Variants in TMCO6 observed in about 807,000 individuals in gnomAD.
The protein encoded by TMCO6 is transmembrane and coiled-coil domains 6.
Under a neutral mutation model 61.8 loss-of-function variants are expected in TMCO6, and 47 were observed. The ratio of observed to expected loss-of-function variants is 0.76; its 90% CI spans 0.60 to 0.97. The LOEUF is 0.97. TMCO6 is among the 50% of genes least tolerant of loss of function. The pLI, the probability that TMCO6 is intolerant of heterozygous loss-of-function variation, is 0.00. For synonymous variants in TMCO6, 261 were observed against 254.2 expected, an observed-to-expected ratio of 1.03 and a Z score of -0.25; for missense variants, 557 against 601.6, an observed-to-expected ratio of 0.93 and a Z score of 0.78.
chr5:140,629,914 C>G, the TMCO6 span, among the ~76,000 whole-genome samples: 1 of 122,322 alleles, frequency 8.2e-6, no homozygotes, highest in Non-Finnish European at 1.7e-5. Flanking sequence ...GCCTGGGCAA[C>G]AAGAGTGAAA....
the TMCO6 span, among the ~76,000 whole-genome samples, chr5:140,597,166 G>A: frequency 6.6e-6 from 1 of 152,190 alleles, no homozygotes; most frequent in African/African-American, 2.4e-5. Context: ...TTATATAACA[G>A]ATACAGCAAT....
the TMCO6 span, among the ~76,000 whole-genome samples, chr5:140,602,842 G>A: frequency 6.6e-6 from 1 of 152,012 alleles, no homozygotes; most frequent in Non-Finnish European, 1.5e-5. Context: ...ATGCGTGGTG[G>A]CTCACGCCTG....
At chr5:140,642,267 C>G in intron 4 of TMCO6, 48 bp from the exon 5 acceptor site, 13 of 1,534,108 alleles carry the variant, frequency 8.5e-6, no homozygotes, top group Non-Finnish European at 1.1e-5. Flanking sequence ...CCACACGCAG[C>G]CTGGCATGAA....
chr5:140,616,003 G>T, the TMCO6 span, among the ~76,000 whole-genome samples: 5 of 152,036 alleles, frequency 3.3e-5, no homozygotes, highest in African/African-American at 1.2e-4. Context: ...GTTATGGCAG[G>T]CACCTATAAT....
the TMCO6 span, chr5:140,631,887 A>G: frequency 6.3e-7 from 1 of 1,586,082 alleles, no homozygotes; most frequent in Non-Finnish European, 8.6e-7. Context: ...TTGGAGCAGC[A>G]CCAGGGTTCC....
At chr5:140,622,372 C>CA in the TMCO6 span, among the ~76,000 whole-genome samples, 1 of 152,030 alleles carries the variant, frequency 6.6e-6, no homozygotes, top group Non-Finnish European at 1.5e-5. Flanking sequence ...CAGACATTAA[C>CA]AAAAAAATCT....
chr5:140,605,636 C>T, the TMCO6 span, among the ~76,000 whole-genome samples: 4 of 151,630 alleles, frequency 2.6e-5, no homozygotes, highest in South Asian at 2.1e-4. Flanking sequence ...GCTGAGATCT[C>T]GTCGTTGCAC....
downstream of TMCO6, chr5:140,645,509 AC>A: frequency 1.9e-6 from 3 of 1,558,176 alleles, no homozygotes; most frequent in Non-Finnish European, 2.6e-6. Flanking sequence ...GAATAGGAGA[AC>A]ACATTTTTTT....
chr5:140,646,388 C>T (rs1223801547), downstream of TMCO6, among the ~76,000 whole-genome samples: 1 of 152,166 alleles, frequency 6.6e-6, no homozygotes, highest in Non-Finnish European at 1.5e-5. Context: ...TCGTGTCTAT[C>T]TCCTCCTGTA....
At chr5:140,647,056 G>A (rs1418417519), downstream of TMCO6, 3 of 610,696 alleles carry the variant, frequency 4.9e-6, no homozygotes, top group Non-Finnish European at 8.1e-6. Context: ...CGGTCAGCCT[G>A]CATACTTATG....
chr5:140,620,425 G>A, the TMCO6 span, among the ~76,000 whole-genome samples: 1 of 152,188 alleles, frequency 6.6e-6, no homozygotes, highest in East Asian at 1.9e-4. Context: ...AGTGAAAATA[G>A]TCTGTATGAT....
At chr5:140,639,415 C>T (rs886388045), upstream of TMCO6, 1 of 1,124,590 alleles carries the variant, frequency 8.9e-7, no homozygotes, top group Non-Finnish European at 1.3e-6. Context: ...GCTCCTCGCG[C>T]CCTCCCCGCC....
chr5:140,597,833 C>T, the TMCO6 span, among the ~76,000 whole-genome samples: 1 of 152,184 alleles, frequency 6.6e-6, no homozygotes, highest in Non-Finnish European at 1.5e-5. Flanking sequence ...GTTGAGGGCA[C>T]AACTTAACCT....
the TMCO6 span, among the ~76,000 whole-genome samples, chr5:140,614,065 A>T: frequency 6.6e-6 from 1 of 151,800 alleles, no homozygotes; most frequent in Admixed American, 6.6e-5. Context: ...TGCCCAGCTA[A>T]TTTTTTTGTA....
chr5:140,643,529 A>C, intron 7 of TMCO6, 35 bp from the exon 8 acceptor site: 1 of 1,583,974 alleles, frequency 6.3e-7, no homozygotes, highest in South Asian at 1.1e-5. Context: ...GGAATTGACT[A>C]TATACCTAGG....
At chr5:140,630,156 G>A in the TMCO6 span, among the ~76,000 whole-genome samples, 1 of 151,606 alleles carries the variant, frequency 6.6e-6, no homozygotes. Context: ...ACCACACCCG[G>A]CTAATTTTTG....
Position 140,639,851 on chromosome 5 carries a change from G to A in TMCO6, c.198G>A (p.Glu66=), listed in dbSNP as rs1756905958. 1 of 1,601,396 alleles carries A rather than the reference G, an allele frequency of 6.2e-7. No individual in the cohort carries two copies. The highest frequency in any genetic ancestry group is 8.5e-7 in the Non-Finnish European group (1 of 1,175,038). The change falls in exon 2 of 12, where the codon GAG becomes GAA. Residue 66 remains glutamate (E), a splice_region_variant and synonymous_variant. Transcript: ENST00000394671. ...GCVAAILGET[E]VQQFLRQAQR... ...TGGCTGCGATCCTCGGGGAAACCGAGGTGAGGGGGCAAGGTAGGGTGCGCT... is the reference window on the plus strand; with the variant it reads ...TGGCTGCGATCCTCGGGGAAACCGAAGTGAGGGGGCAAGGTAGGGTGCGCT...
At chr5:140,647,583 T>C, downstream of TMCO6, 1 of 1,609,770 alleles carries the variant, frequency 6.2e-7, no homozygotes, top group South Asian at 1.1e-5. Flanking sequence ...GCCGCCGCCA[T>C]CCTTGTTAAT....
At chr5:140,636,478 A>C (rs1238788856), upstream of TMCO6, among the ~76,000 whole-genome samples, 4 of 147,654 alleles carry the variant, frequency 2.7e-5, no homozygotes, top group African/African-American at 9.7e-5. Context: ...CAAAAAAAAA[A>C]ATAAATAAAT....
Sources: allele counts gnomAD v4.1 joint callset (sites outside exome capture counted in the v4.1 genomes callset), GRCh38; gene constraint gnomAD v4.1.1; transcripts MANE v1.5; gene names NCBI Gene and HGNC (gene_info 2026-07-23, HGNC 2026-07-21).